Variants in SIPA1L3 observed in about 807,000 individuals in gnomAD.
SIPA1L3 encodes signal induced proliferation associated 1 like 3, also known as signal-induced proliferation-associated 1-like protein 3.
SIPA1L3 carries 59 observed loss-of-function variants against 150.1 expected under a neutral mutation model. The ratio of observed to expected loss-of-function variants is 0.39; its 90% CI spans 0.32 to 0.49. SIPA1L3 has a LOEUF of 0.49. Ranked by LOEUF, SIPA1L3 falls within the 20% of genes least tolerant of loss-of-function variation. SIPA1L3 has a pLI of 0.86. For synonymous variants in SIPA1L3, 1,070 were observed against 1,077.6 expected (o/e 0.99, Z 0.14); for missense variants, 2,211 against 2,489.5 (o/e 0.89, Z 2.38).
At chr19:38,091,257 A>C (rs1970251586) in intron 4 of SIPA1L3, among the ~76,000 whole-genome samples, 1 of 152,068 alleles carries the variant, frequency 6.6e-6, no homozygotes, top group Non-Finnish European at 1.5e-5. Flanking sequence ...ATATTAGTGC[A>C]CACTTGTAGT....
At chr19:38,059,315 T>C (rs1969398228) in intron 2 of SIPA1L3, among the ~76,000 whole-genome samples, 1 of 147,680 alleles carries the variant, frequency 6.8e-6, no homozygotes, top group South Asian at 2.2e-4. Context: ...GCTGAGATTT[T>C]TTTTTTTTTT....
chr19:38,096,501 G>T (rs972486805), intron 4 of SIPA1L3, among the ~76,000 whole-genome samples: 1 of 152,068 alleles, frequency 6.6e-6, no homozygotes, highest in South Asian at 2.1e-4. Flanking sequence ...CGCCCACCTC[G>T]ACCTCTCAAA....
intron 2 of SIPA1L3, among the ~76,000 whole-genome samples, chr19:38,048,159 A>G (rs1654339): frequency 0.4 from 61,417 of 152,012 alleles, 13,994 homozygotes; most frequent in African/African-American, 0.62. Flanking sequence ...TTAACAATTA[A>G]AAGATAGCAG....
chr19:38,180,472 C>T (rs190570981), intron 15 of SIPA1L3, among the ~76,000 whole-genome samples: 3 of 148,650 alleles, frequency 2.0e-5, no homozygotes, highest in Non-Finnish European at 3.0e-5. Flanking sequence ...CCTCTATATG[C>T]GATGCATCAT....
chr19:38,035,026 T>C (rs948646671), intron 2 of SIPA1L3, among the ~76,000 whole-genome samples: 3 of 151,804 alleles, frequency 2.0e-5, no homozygotes, highest in African/African-American at 7.3e-5. Context: ...GACCCCAGAG[T>C]GGTCAGGTCT....
At chr19:38,143,222 G>T (rs1249940905) in intron 12 of SIPA1L3, among the ~76,000 whole-genome samples, 1 of 152,130 alleles carries the variant, frequency 6.6e-6, no homozygotes, top group Non-Finnish European at 1.5e-5. Context: ...AGGCCCTTCA[G>T]GCTCTGGCTC....
intron 18 of SIPA1L3, among the ~76,000 whole-genome samples, chr19:38,197,841 C>G (rs1174967548): frequency 2.0e-5 from 3 of 152,034 alleles, no homozygotes; most frequent in Non-Finnish European, 2.9e-5. Flanking sequence ...GTTATGGTTA[C>G]AGCTCCTACC....
rs1972822450 is a variant in SIPA1L3, at chr19:38,192,305, A to T, written c.4591A>T (p.Thr1531Ser). ...CCTGGGGCCAGAGCAGGAGAGAGACACGGGAGTACGTAGGGCCCTGTCCCC... is the reference window on the plus strand; with the variant it reads ...CCTGGGGCCAGAGCAGGAGAGAGACTCGGGAGTACGTAGGGCCCTGTCCCC... Reference protein sequence around the residue: ...DNLGPEQERDTGQSPQKGLQR... With the variant: ...DNLGPEQERDSGQSPQKGLQR... The change falls in exon 17 of 22, where the codon ACG (threonine) becomes TCG (serine). Residue 1531 changes from threonine to serine, a missense_variant. Transcript: ENST00000222345. 6.2e-7 allele frequency: 1 copy of T among 1,604,422 alleles called. No homozygotes were observed. Among genetic ancestry groups the T allele is most frequent in the Non-Finnish European group, 8.5e-7 (1 of 1,175,868 alleles).
chr19:38,006,845 T>C (rs371948823), intron 1 of SIPA1L3, among the ~76,000 whole-genome samples: 2 of 152,162 alleles, frequency 1.3e-5, no homozygotes, highest in East Asian at 3.9e-4. Context: ...GTGATCTTTG[T>C]CCAAGGTTAT....
At chr19:37,953,592 C>T (rs182314753) in intron 1 of SIPA1L3, among the ~76,000 whole-genome samples, 44 of 152,218 alleles carry the variant, frequency 2.9e-4, no homozygotes, top group Admixed American at 1.8e-3. Context: ...GAAGGAGGGG[C>T]GAAAGCCCTT....
At chr19:37,976,690 A>G (rs576924849) in intron 1 of SIPA1L3, among the ~76,000 whole-genome samples, 115 of 152,310 alleles carry the variant, frequency 7.6e-4, no homozygotes, top group Non-Finnish European at 1.4e-3. Flanking sequence ...TTTGTCGGCT[A>G]TAAGATGGGA....
chr19:38,160,158 T>C (rs549412829), intron 13 of SIPA1L3, among the ~76,000 whole-genome samples: 1 of 151,382 alleles, frequency 6.6e-6, no homozygotes, highest in Admixed American at 6.6e-5. Context: ...ACTACAGGCA[T>C]GTGCCATCAC....
chr19:37,981,389 A>G (rs969026886), intron 1 of SIPA1L3, among the ~76,000 whole-genome samples: 3 of 147,668 alleles, frequency 2.0e-5, no homozygotes, highest in East Asian at 4.0e-4. Flanking sequence ...GTGCCACTGT[A>G]CTCCAGTCTG....
At chr19:38,153,913 G>A (rs921854955) in intron 13 of SIPA1L3, among the ~76,000 whole-genome samples, 11 of 152,122 alleles carry the variant, frequency 7.2e-5, no homozygotes, top group Admixed American at 3.9e-4. Flanking sequence ...CAGCCTGAGC[G>A]ACAGAGCAAG....
chr19:38,123,264 GT>G lies in SIPA1L3; in HGVS notation c.2868+3390del, dbSNP rs61656606. Among the ~76,000 whole-genome samples, 788 of 129,264 alleles carry G rather than the reference GT, an allele frequency of 6.1e-3. 7 individuals carry two copies. The highest frequency in any genetic ancestry group is 0.018 in the African/African-American group (644 of 35,774). 84.8% of individuals were successfully genotyped at this position (129,264 alleles called of 152,430 possible). On this transcript the variant is annotated intron_variant, in intron 9 of 21. Transcript: ENST00000222345. Reference sequence around the variant, plus strand: ...GCCTGGGTTTTGGAGTTTTTTTTTTGTTTTTTTTGTTTTTTTTTTAATTGAT... The same window carrying G: ...GCCTGGGTTTTGGAGTTTTTTTTTTGTTTTTTTGTTTTTTTTTTAATTGAT...
intron 15 of SIPA1L3, among the ~76,000 whole-genome samples, chr19:38,171,561 T>G (rs985785762): frequency 2.6e-5 from 4 of 151,488 alleles, no homozygotes; most frequent in Non-Finnish European, 5.9e-5. Context: ...CCCGGCTAAT[T>G]TTTGTATTTA....
At chr19:38,088,951 A>C in intron 4 of SIPA1L3, 100 bp downstream of exon 4, 1 of 1,359,198 alleles carries the variant, frequency 7.4e-7, no homozygotes, top group Non-Finnish European at 1.0e-6. Flanking sequence ...ATCTCATGGA[A>C]TCCTCCCAAC....
chr19:38,123,717 C>T (rs542184668), intron 9 of SIPA1L3, among the ~76,000 whole-genome samples: 10 of 152,244 alleles, frequency 6.6e-5, no homozygotes, highest in Admixed American at 2.0e-4. Context: ...CCCCACCTTT[C>T]CCCCCTTTCT....
intron 10 of SIPA1L3, among the ~76,000 whole-genome samples, chr19:38,139,552 T>G (rs1287657376): frequency 6.6e-6 from 1 of 152,100 alleles, no homozygotes; most frequent in East Asian, 1.9e-4. Context: ...ACCTGGTGCC[T>G]GGTGAGACAT....
Sources: gnomAD v4.1 joint callset for allele counts (sites outside exome capture counted in the v4.1 genomes callset) on GRCh38, gnomAD v4.1.1 for gene constraint, MANE v1.5 for transcripts, NCBI Gene and HGNC (gene_info 2026-07-23, HGNC 2026-07-21) for gene names.